CLCN7: variants seen among roughly 807,000 people sequenced by gnomAD.
CLCN7 encodes H(+)/Cl(-) exchange transporter 7.
Under a neutral mutation model 102.1 loss-of-function variants are expected in CLCN7, and 60 were observed. The ratio of observed to expected loss-of-function variants is 0.59; its 90% CI spans 0.48 to 0.73. The LOEUF is 0.73. CLCN7 is among the 30% of genes least tolerant of loss of function. The pLI is 0.00. For synonymous variants in CLCN7, 560 were observed against 490.5 expected (o/e 1.14, Z -1.87); for missense variants, 962 against 1,125.7 (o/e 0.85, Z 2.08).
chr16:1,451,381 T>G (rs975986181), intron 16 of CLCN7, among the ~76,000 whole-genome samples: 5 of 152,142 alleles, frequency 3.3e-5, no homozygotes, highest in African/African-American at 1.2e-4. Context: ...AATGTTGCTT[T>G]TTTGCAAAGA....
chr16:1,449,289 A>G lies in CLCN7; in HGVS notation c.1656T>C (p.Ala552=). 1 of 1,587,648 alleles carries G rather than the reference A, an allele frequency of 6.3e-7. No homozygotes were observed. Among genetic ancestry groups the G allele is most frequent in the Non-Finnish European group, 8.6e-7 (1 of 1,167,468 alleles). ...GCTGGGACATACCCAGCTGGGCAGC[A>G]GCTCCCATCAGGGCGTATTTGCCGG... ...ADPGKYALMG[A]AAQLGGIVRM... The change falls in exon 18 of 25, where the codon GCT becomes GCC. Residue 552 remains alanine (A), a synonymous_variant. Coordinates refer to ENST00000382745, the MANE Select transcript of CLCN7 (RefSeq NM_001287.6).
rs750257893 is a variant in CLCN7 at position 1,455,802 on chromosome 16, G to A, written c.917-7C>T. On this transcript the variant is annotated splice_region_variant and splice_polypyrimidine_tract_variant and intron_variant, in intron 10 of 24. Coordinates refer to ENST00000382745, the MANE Select transcript of CLCN7 (RefSeq NM_001287.6). ...AAGCTGAACAGGACCCCACCTGGAAGGCAGGCGGCCGGCTCGGGTGCCAGC... is the reference window on the plus strand; with the variant it reads ...AAGCTGAACAGGACCCCACCTGGAAAGCAGGCGGCCGGCTCGGGTGCCAGC... The A allele has an allele frequency of 2.5e-6, 4 of 1,613,248 alleles. No homozygotes were observed. Among genetic ancestry groups the A allele is most frequent in the Admixed American group, 3.3e-5 (2 of 60,026 alleles).
intron 1 of CLCN7, among the ~76,000 whole-genome samples, chr16:1,473,850 G>A (rs2039113107): frequency 6.6e-6 from 1 of 152,068 alleles, no homozygotes; most frequent in Non-Finnish European, 1.5e-5. Context: ...TTGGGAGGCT[G>A]AGGTGCGGGG....
chr16:1,448,643 G>T, intron 20 of CLCN7, 38 bp downstream of exon 20: 1 of 1,610,444 alleles, frequency 6.2e-7, no homozygotes. Context: ...GAGGCCGCTG[G>T]ACACCCTCCC....
At chr16:1,447,851 G>T in intron 21 of CLCN7, 137 bp from the exon 22 acceptor site, 1 of 913,800 alleles carries the variant, frequency 1.1e-6, no homozygotes, top group Non-Finnish European at 1.7e-6. Flanking sequence ...GTGGCTACCT[G>T]CTCACACCAG....
chr16:1,453,887 C>A lies in CLCN7; in HGVS notation c.1161G>T (p.Val387=), dbSNP rs748504063. 1 of 1,613,204 alleles carries A rather than the reference C, an allele frequency of 6.2e-7. No homozygotes were observed. The highest frequency in any genetic ancestry group is 1.1e-5 in the South Asian group (1 of 91,090). Residue 387 remains valine (V), a synonymous_variant, in exon 14 of 25, where the codon GTG becomes GTT. Transcript: ENST00000382745. ...VFIAMGVVGG[V]LGAVFNALNY... ...TCAAGGCATTGAACACTGCTCCAAG[C>A]ACACCGCCTGCGAACAGGGGAAAGG...
rs1457268043 is a variant in CLCN7, at chr16:1,461,624, C to A, written c.264G>T (p.Lys88Asn). ...PFPKEIPHNE[K>N]LLSLKYESLD... ...CCACCTCATACTTGAGGGACAGGAG[C>A]TTCTCGTTGTGTGGGATCTCCTTGG... Residue 88 changes from lysine (K) to asparagine (N), a missense_variant, in exon 3 of 25, where the codon AAG (lysine) becomes AAT (asparagine). This residue lies in a region of CLCN7 where 163 missense variants were observed against 137.7 expected (regional missense o/e 1.18). Coordinates refer to ENST00000382745, the MANE Select transcript of CLCN7 (RefSeq NM_001287.6). 1.2e-6 allele frequency: 2 copies of A among 1,614,002 alleles called. No individual in the cohort carries two copies. Among genetic ancestry groups the A allele is most frequent in the Non-Finnish European group, 1.7e-6 (2 of 1,180,010 alleles).
intron 1 of CLCN7, among the ~76,000 whole-genome samples, chr16:1,467,363 A>G (rs1310205324): frequency 6.6e-6 from 1 of 152,116 alleles, no homozygotes; most frequent in African/African-American, 2.4e-5. Context: ...GCTCTCCCTG[A>G]GCCCTCAGTC....
intron 1 of CLCN7, chr16:1,474,044 A>G: frequency 4.6e-6 from 2 of 432,766 alleles, no homozygotes; most frequent in South Asian, 3.3e-5. Flanking sequence ...AGATCGCGCC[A>G]TTGCACTCCA....
At chr16:1,460,168 G>A (rs1054308207) in intron 6 of CLCN7, among the ~76,000 whole-genome samples, 9 of 151,956 alleles carry the variant, frequency 5.9e-5, no homozygotes, top group African/African-American at 1.5e-4. Flanking sequence ...AAGGAGGGGC[G>A]GAGTGGGGTG....
In CLCN7 at chr16:1,450,539, G is replaced by A. The variant is rs748974625; in HGVS notation, c.1575C>T (p.Gly525=). 6.2e-7 allele frequency: 1 copy of A among 1,610,806 alleles called. No homozygotes were observed. The highest frequency in any genetic ancestry group is 1.7e-5 in the Admixed American group (1 of 59,724). Residue 525 remains glycine, a synonymous_variant, in exon 17 of 25, where the codon GGC becomes GGT. Transcript: ENST00000382745. ...AGGACAGGGAGATCCCAAAGAGCCG[G>A]CCCCAGGCAGCCCCGATGAGCAGGG... is the stretch of plus-strand genomic sequence containing the variant. The part of the protein sequence containing the change: ...IPSLLIGAAW[G]RLFGISLSYL...
intron 5 of CLCN7, 137 bp from the exon 6 acceptor site, chr16:1,460,664 C>T (rs574107146): frequency 1.1e-5 from 15 of 1,307,750 alleles, no homozygotes; most frequent in African/African-American, 1.4e-5. Flanking sequence ...ATCCCAGAGA[C>T]GTCTCACGGC....
intron 2 of CLCN7, among the ~76,000 whole-genome samples, chr16:1,464,971 C>CA (rs1272081370): frequency 3.9e-5 from 6 of 152,216 alleles, no homozygotes; most frequent in African/African-American, 4.8e-5. Flanking sequence ...TCACTGCCCC[C>CA]CCAAGATCCC....
chr16:1,472,250 A>T (rs8045703), intron 1 of CLCN7, among the ~76,000 whole-genome samples: 25,189 of 152,052 alleles, frequency 0.17, 2,211 homozygotes, highest in African/African-American at 0.2. Flanking sequence ...TTTTATTTTT[A>T]TTTTTGAGAT....
At chr16:1,462,976 C>T (rs754897380) in intron 2 of CLCN7, among the ~76,000 whole-genome samples, 3 of 152,188 alleles carry the variant, frequency 2.0e-5, no homozygotes, top group Non-Finnish European at 4.4e-5. Context: ...GCCTGGGCAA[C>T]ATAGTAAGAC....
intron 2 of CLCN7, among the ~76,000 whole-genome samples, chr16:1,462,223 TA>T (rs1328203664): frequency 2.0e-5 from 3 of 150,634 alleles, no homozygotes; most frequent in Admixed American, 2.0e-4. Context: ...CAAGTTAGTT[TA>T]ACATCCAAAA....
rs201783415 is a variant in CLCN7, at chr16:1,448,961, C to T, written c.1797+5G>A. The T allele has an allele frequency of 2.5e-5, 41 of 1,612,302 alleles. No individual in the cohort carries two copies. In the East Asian group the frequency reaches 3.3e-4, roughly 13 times the overall value. On this transcript the variant is annotated splice_donor_5th_base_variant and intron_variant, in intron 19 of 24. Transcript: ENST00000382745. ...TCAGGGTGAGGCTTCGAGGCCCTGGCGCACCTCAATGAAGACGTCGCCCAC... is the reference window on the plus strand; with the variant it reads ...TCAGGGTGAGGCTTCGAGGCCCTGGTGCACCTCAATGAAGACGTCGCCCAC...
chr16:1,455,682 G>C (rs1202025659), intron 11 of CLCN7, 49 bp downstream of exon 11: 7 of 1,589,182 alleles, frequency 4.4e-6, no homozygotes, highest in Admixed American at 1.7e-5. Context: ...TGGGAAATGA[G>C]AGCGCAGCAT....
chr16:1,474,356 C>T, intron 1 of CLCN7: 1 of 366,040 alleles, frequency 2.7e-6, no homozygotes, highest in Admixed American at 3.4e-5. Flanking sequence ...GGCGCTCAGT[C>T]ATTCTCACTG....
Sources: gnomAD v4.1 joint callset for allele counts (sites outside exome capture counted in the v4.1 genomes callset) on GRCh38, gnomAD v4.1.1 for gene constraint, gnomAD v4.1.1 regional missense constraint, MANE v1.5 for transcripts, NCBI Gene and HGNC (gene_info 2026-07-23, HGNC 2026-07-21) for gene names.